Variants in RBFOX1 observed in about 807,000 individuals in gnomAD.
RBFOX1 encodes the protein RNA binding protein fox-1 homolog 1.
RBFOX1 carries 8 observed loss-of-function variants against 57.7 expected under a neutral mutation model. The observed-to-expected ratio is 0.14, with a 90% CI of 0.08 to 0.25. The LOEUF (loss-of-function observed/expected upper bound fraction) is 0.25, where lower values mean the gene tolerates loss of function less well. Ranked by LOEUF, RBFOX1 falls within the 10% of genes least tolerant of loss-of-function variation. The pLI is 1.00. For missense variants in RBFOX1, 611 were observed against 548.5 expected, an observed-to-expected ratio of 1.11 and a Z score of -1.14; for synonymous variants, 326 against 222.4, an observed-to-expected ratio of 1.47 and a Z score of -4.15.
chr16:6,089,108 G>A (rs1379609396), intron 1 of RBFOX1, among the ~76,000 whole-genome samples: 1 of 149,976 alleles, frequency 6.7e-6, no homozygotes, highest in Non-Finnish European at 1.5e-5. Context: ...ATCCTAAAAA[G>A]ACATTGATAT....
chr16:6,249,719 G>C (rs959858237), intron 1 of RBFOX1, among the ~76,000 whole-genome samples: 3 of 151,800 alleles, frequency 2.0e-5, no homozygotes, highest in African/African-American at 7.3e-5. Context: ...TTAGAATGAT[G>C]GGAAAACACT....
chr16:6,934,771 C>T (rs2077096291), intron 3 of RBFOX1, among the ~76,000 whole-genome samples: 1 of 152,018 alleles, frequency 6.6e-6, no homozygotes. Context: ...GGAAAGGGGC[C>T]ACGCTTTGTG....
intron 4 of RBFOX1, among the ~76,000 whole-genome samples, chr16:7,121,847 A>G (rs944202129): frequency 1.1e-4 from 17 of 152,046 alleles, no homozygotes; most frequent in African/African-American, 4.1e-4. Flanking sequence ...AATCAACTGG[A>G]CAAAATAGAG....
chr16:7,193,998 A>G (rs945321812), intron 4 of RBFOX1, among the ~76,000 whole-genome samples: 1 of 152,042 alleles, frequency 6.6e-6, no homozygotes, highest in African/African-American at 2.4e-5. Context: ...TTTCCCAAGT[A>G]TAAGCCGTAT....
chr16:6,749,941 T>C (rs2074589754), intron 3 of RBFOX1, among the ~76,000 whole-genome samples: 1 of 152,152 alleles, frequency 6.6e-6, no homozygotes, highest in Non-Finnish European at 1.5e-5. Flanking sequence ...TGTCAGGGTG[T>C]TCAGAGTTAG....
chr16:5,240,738 G>T (rs907820895), intron 1 of RBFOX1, among the ~76,000 whole-genome samples: 2 of 152,182 alleles, frequency 1.3e-5, no homozygotes, highest in Non-Finnish European at 2.9e-5. Context: ...CGCTGTCCCT[G>T]TGAGCTCCCG....
Position 7,408,845 on chromosome 16 carries a change from G to T in RBFOX1, c.28-109302G>T, listed in dbSNP as rs559626565. Among the ~76,000 whole-genome samples the T allele has an allele frequency of 2.0e-5, 3 of 151,478 alleles. No homozygotes were observed. The East Asian group carries it at 5.9e-4, about 30-fold the overall frequency. ...ATACTGCCATTGTCCCTAAGGCATG[G>T]GGGCAGGGGGGTGGTTAACATATTC... On this transcript the variant is annotated intron_variant, in intron 4 of 15. Transcript: ENST00000550418.
intron 3 of RBFOX1, among the ~76,000 whole-genome samples, chr16:6,824,238 C>G (rs940629616): frequency 2.6e-5 from 4 of 152,176 alleles, no homozygotes; most frequent in African/African-American, 9.7e-5. Context: ...AACTCCATCT[C>G]CACTAAAAAT....
intron 4 of RBFOX1, among the ~76,000 whole-genome samples, chr16:5,934,834 G>T (rs2059136014): frequency 6.6e-6 from 1 of 152,192 alleles, no homozygotes; most frequent in Non-Finnish European, 1.5e-5. Flanking sequence ...AAAGAGCAGG[G>T]CAGGGGACCG....
chr16:5,418,375 G>A (rs1486042547), intron 1 of RBFOX1, among the ~76,000 whole-genome samples: 1 of 152,080 alleles, frequency 6.6e-6, no homozygotes, highest in Non-Finnish European at 1.5e-5. Flanking sequence ...AGATGCACAG[G>A]GGAAATACGG....
chr16:6,561,178 T>C (rs1391887820), intron 2 of RBFOX1, among the ~76,000 whole-genome samples: 1 of 152,160 alleles, frequency 6.6e-6, no homozygotes, highest in Non-Finnish European at 1.5e-5. Context: ...TTAAAATGAA[T>C]ATGCTTCACG....
At chr16:6,687,493 C>G (rs72764914) in intron 3 of RBFOX1, among the ~76,000 whole-genome samples, 10,780 of 152,220 alleles carry the variant, frequency 0.071, 475 homozygotes, top group African/African-American at 0.12. Context: ...GTGGTGATCT[C>G]TGCTAGTCAG....
At chr16:7,283,654 A>G (rs1779635535) in intron 4 of RBFOX1, among the ~76,000 whole-genome samples, 1 of 152,036 alleles carries the variant, frequency 6.6e-6, no homozygotes, top group African/African-American at 2.4e-5. Context: ...GTTTTCTTTA[A>G]TTGGCATCTT....
At chr16:6,049,129 C>G (rs535935132) in intron 1 of RBFOX1, among the ~76,000 whole-genome samples, 92 of 138,614 alleles carry the variant, frequency 6.6e-4, no homozygotes, top group Non-Finnish European at 1.2e-3. Flanking sequence ...ATGGCATGAT[C>G]TCAGCTCACT....
Position 6,424,519 on chromosome 16 carries a change from T to G in RBFOX1, c.-64+107462T>G, listed in dbSNP as rs112686557. On this transcript the variant is annotated intron_variant, in intron 2 of 15. Coordinates refer to ENST00000550418, the MANE Select transcript of RBFOX1 (RefSeq NM_018723.4). ...CAGGAATGCTACTGCTCAGCATCTT[T>G]CAGGACAGCCCTCACTTTAAAGAAT... Among the ~76,000 whole-genome samples, 173 of 152,274 alleles carry G rather than the reference T, an allele frequency of 1.1e-3. 1 individual carries two copies. Among genetic ancestry groups the G allele is most frequent in the African/African-American group, 3.9e-3 (164 of 41,562 alleles).
chr16:7,217,052 CCTCT>C (rs1376785906), intron 4 of RBFOX1, among the ~76,000 whole-genome samples: 47 of 111,506 alleles, frequency 4.2e-4, no homozygotes, highest in African/African-American at 1.4e-3. Context: ...TCCCTCCCTC[CCTCT>C]CTCTCCCTCT....
chr16:7,448,889 A>C (rs932232201), intron 4 of RBFOX1, among the ~76,000 whole-genome samples: 2 of 147,266 alleles, frequency 1.4e-5, no homozygotes, highest in Non-Finnish European at 3.0e-5. Context: ...AAATAAGGTC[A>C]TATTCCAGTG....
chr16:7,208,665 A>C (rs773767562), intron 4 of RBFOX1, among the ~76,000 whole-genome samples: 1 of 152,072 alleles, frequency 6.6e-6, no homozygotes, highest in African/African-American at 2.4e-5. Context: ...GCAAGACCGT[A>C]TCTCAACAAA....
chr16:6,708,188 A>T (rs1369159558), intron 3 of RBFOX1, among the ~76,000 whole-genome samples: 1 of 151,962 alleles, frequency 6.6e-6, no homozygotes, highest in African/African-American at 2.4e-5. Flanking sequence ...GTTTCTTATT[A>T]AGCCCCCTCC....
Sources: gnomAD v4.1 joint callset for allele counts (sites outside exome capture counted in the v4.1 genomes callset) on GRCh38, gnomAD v4.1.1 for gene constraint, MANE v1.5 for transcripts, NCBI Gene and HGNC (gene_info 2026-07-23, HGNC 2026-07-21) for gene names.